The following NDUFC1 variants were observed in gnomAD, a reference collection of about 807,000 sequenced individuals.
The protein encoded by NDUFC1 is NADH dehydrogenase [ubiquinone] 1 subunit C1, mitochondrial.
NDUFC1 carries 11 observed loss-of-function variants against 11.6 expected under a neutral mutation model. The observed-to-expected ratio is 0.95, with a 90% CI of 0.60 to 1.58. The LOEUF is 1.58. Among genes scored for constraint, NDUFC1 ranks in the 40% most tolerant of loss-of-function variants. The pLI, the probability that NDUFC1 is intolerant of heterozygous loss-of-function variation, is 0.00. For missense variants in NDUFC1, 112 were observed against 93.0 expected, an observed-to-expected ratio of 1.20 and a Z score of -0.84; for synonymous variants, 52 against 42.2, an observed-to-expected ratio of 1.23 and a Z score of -0.90.
intron 5 of NDUFC1, among the ~76,000 whole-genome samples, chr4:139,291,504 G>C (rs1433977326): frequency 6.6e-6 from 1 of 152,026 alleles, no homozygotes; most frequent in African/African-American, 2.4e-5. Flanking sequence ...GAACCTGGGA[G>C]GCGGAGGTTG....
chr4:139,291,598 G>A (rs913737376), intron 5 of NDUFC1, among the ~76,000 whole-genome samples: 7 of 151,992 alleles, frequency 4.6e-5, no homozygotes, highest in Admixed American at 2.0e-4. Context: ...ATCGATTGCC[G>A]TTATACATTC....
At chr4:139,290,726 T>C (rs942137501) in intron 5 of NDUFC1, among the ~76,000 whole-genome samples, 4 of 151,964 alleles carry the variant, frequency 2.6e-5, no homozygotes, top group African/African-American at 7.2e-5. Flanking sequence ...CATATATATA[T>C]ATATATATGT....
chr4:139,301,745 GT>G (rs772605317), intron 1 of NDUFC1: 1 of 1,552,926 alleles, frequency 6.4e-7, no homozygotes, highest in East Asian at 2.5e-5. Context: ...ACCGAGCCGG[GT>G]GGTGGCGGGA....
chr4:139,294,922 C>T, intron 4 of NDUFC1, 121 bp downstream of exon 4: 1 of 660,512 alleles, frequency 1.5e-6, no homozygotes, highest in Non-Finnish European at 2.7e-6. Flanking sequence ...TATAAATATC[C>T]TACTGTTATG....
At position 139,300,246 on chromosome 4, in the gene NDUFC1, T is replaced by G. The variant is rs1745653470; in HGVS notation, c.-222+2170A>C. Among the ~76,000 whole-genome samples, 8 of 152,298 alleles carry G rather than the reference T, an allele frequency of 5.3e-5. 1 individual carries two copies. The highest frequency in any genetic ancestry group is 5.2e-4 in the Admixed American group (8 of 15,294). On this transcript the variant is annotated intron_variant, in intron 1 of 5. Transcript: ENST00000394223. ...ACAGAATTTAAGGAAACTCCAGGAT[T>G]TGACTGTTAAAAACCTTATTTATGA...
At chr4:139,295,597 G>T in intron 3 of NDUFC1, 135 bp downstream of exon 3, 1 of 922,326 alleles carries the variant, frequency 1.1e-6, no homozygotes, top group Non-Finnish European at 1.6e-6. Flanking sequence ...CGTGGGCTGG[G>T]CCTTGGGTCG....
At chr4:139,295,611 G>A in intron 3 of NDUFC1, 121 bp downstream of exon 3, 1 of 1,106,448 alleles carries the variant, frequency 9.0e-7, no homozygotes, top group Non-Finnish European at 1.3e-6. Context: ...TGGGTCGTCT[G>A]CCGGCGAAGG....
In NDUFC1 at chr4:139,295,833, A is replaced by C. The variant is rs1249151971; in HGVS notation, c.-35T>G. 1.9e-6 allele frequency: 3 copies of C among 1,539,230 alleles called. No individual in the cohort carries two copies. In the African/African-American group the frequency reaches 4.2e-5, roughly 21 times the overall value. On this transcript the variant is annotated 5_prime_UTR_variant, in exon 3 of 6. Transcript: ENST00000394223. The stretch of plus-strand genomic sequence containing the variant: ...CCCAGCTCAGTCTCTCCGAGTTGGC[A>C]ACAGAACCAGCGCCACCTGGCGGCC...
intron 4 of NDUFC1, among the ~76,000 whole-genome samples, chr4:139,293,423 G>A (rs940614745): frequency 6.6e-5 from 10 of 152,168 alleles, no homozygotes; most frequent in Non-Finnish European, 7.3e-5. Context: ...TATATACGAT[G>A]ACATTCATGG....
Position 139,295,869 on chromosome 4 carries a change from G to T in NDUFC1, c.-71C>A. ...CGCCACCTGGCGGCCGGAAGTGCGG[G>T]ACTCGAGGGCTCTGCAGCAGAGCTC... On this transcript the variant is annotated 5_prime_UTR_variant, in exon 3 of 6. Transcript: ENST00000394223. The T allele has an allele frequency of 2.7e-6, 4 of 1,485,014 alleles. No individual in the cohort carries two copies. The Admixed American group carries it at 6.5e-5, about 24-fold the overall frequency. The allele number at this position is 1,485,014 out of a possible 1,614,324, so 92.0% of individuals were successfully genotyped here.
intron 1 of NDUFC1, chr4:139,301,493 G>A (rs558054285): frequency 9.8e-5 from 44 of 451,144 alleles, no homozygotes; most frequent in Non-Finnish European, 1.7e-4. Flanking sequence ...AACCCTCCGC[G>A]TCCGCCATTT....
chr4:139,292,439 C>A, intron 5 of NDUFC1, 91 bp downstream of exon 5: 2 of 527,808 alleles, frequency 3.8e-6, no homozygotes, highest in Admixed American at 4.0e-5. Flanking sequence ...AAACCTAATA[C>A]AAAACAAACA....
At position 139,302,414 on chromosome 4, in the gene NDUFC1, ACC is replaced by A; in HGVS notation, c.-222_-222+1del. On this transcript the variant is annotated splice_donor_variant and 5_prime_UTR_variant, in exon 1 of 6. Transcript: ENST00000394223. LOFTEE classifies it low-confidence loss of function (5UTR_SPLICE). ...AGGAAAGAAAGCTTTTCAAACGACT[ACC>A]TCCTTGTAGTCAGTTGCATACTGGA... is the stretch of plus-strand genomic sequence containing the variant. 1 of 152,260 alleles carries A rather than the reference ACC, an allele frequency of 6.6e-6. No individual in the cohort carries two copies. Among genetic ancestry groups the A allele is most frequent in the South Asian group, 2.1e-4 (1 of 4,824 alleles). 9.4% of individuals were successfully genotyped at this position (152,260 alleles called of 1,614,324 possible). A position where few individuals can be genotyped will look rare whatever the true frequency, so the allele number is the denominator to read the frequency against.
chr4:139,295,010 T>C (rs1156749107), intron 4 of NDUFC1, 33 bp downstream of exon 4: 1 of 1,509,348 alleles, frequency 6.6e-7, no homozygotes, highest in East Asian at 2.3e-5. Flanking sequence ...CACGCTGGTG[T>C]AGTCTCACGA....
chr4:139,295,807 G>T lies in NDUFC1; in HGVS notation c.-9C>A. On this transcript the variant is annotated 5_prime_UTR_variant, in exon 3 of 6. Coordinates refer to ENST00000394223, the MANE Select transcript of NDUFC1 (RefSeq NM_001184989.2). ...AAGGCGGACGGCGCCATCTTGCGTG[G>T]CCCAGCTCAGTCTCTCCGAGTTGGC... The T allele has an allele frequency of 1.3e-6, 2 of 1,544,080 alleles. No individual in the cohort carries two copies. The highest frequency in any genetic ancestry group is 1.7e-6 in the Non-Finnish European group (2 of 1,145,112).
chr4:139,301,345 G>C, intron 1 of NDUFC1: 1 of 405,070 alleles, frequency 2.5e-6, no homozygotes, highest in Non-Finnish European at 4.4e-6. Context: ...CTGAAATGAT[G>C]GGCGGGGCCT....
At chr4:139,292,707 G>C (rs935283419) in intron 4 of NDUFC1, 98 bp from the exon 5 acceptor site, 5 of 721,564 alleles carry the variant, frequency 6.9e-6, no homozygotes, top group Non-Finnish European at 8.3e-6. Context: ...AACTATTCTA[G>C]TTAGAAATAA....
chr4:139,296,771 T>C (rs943524457), intron 2 of NDUFC1, among the ~76,000 whole-genome samples: 3 of 152,238 alleles, frequency 2.0e-5, no homozygotes, highest in African/African-American at 7.2e-5. Context: ...ATCTGATGTC[T>C]AAAGACCAGT....
intron 1 of NDUFC1, among the ~76,000 whole-genome samples, chr4:139,299,256 C>T (rs1004514620): frequency 6.6e-6 from 1 of 151,724 alleles, no homozygotes; most frequent in Admixed American, 6.6e-5. Context: ...GTGTGAGCCA[C>T]CAAGCCCAGC....
Sources: allele counts gnomAD v4.1 joint callset (sites outside exome capture counted in the v4.1 genomes callset), GRCh38; gene constraint gnomAD v4.1.1; transcripts MANE v1.5; gene names NCBI Gene and HGNC (gene_info 2026-07-23, HGNC 2026-07-21).